The following AFF4 variants were observed in gnomAD, a reference collection of about 807,000 sequenced individuals.
AFF4 encodes the protein ALF transcription elongation factor 4.
AFF4 carries 13 observed loss-of-function variants against 124.8 expected under a neutral mutation model. That is an observed-to-expected ratio of 0.10 (90% CI 0.07 to 0.17). The LOEUF is 0.17. Ranked by LOEUF, AFF4 falls within the 10% of genes least tolerant of loss-of-function variation. The pLI, the probability that AFF4 is intolerant of heterozygous loss-of-function variation, is 1.00. For synonymous variants in AFF4, 477 were observed against 496.1 expected (o/e 0.96, Z 0.51); for missense variants, 1,092 against 1,403.8 (o/e 0.78, Z 3.55).
Position 132,896,791 on chromosome 5 carries a change from T to C in AFF4, c.1839A>G (p.Ile613Met), listed in dbSNP as rs377639131. ...AATKGSRKPN[I>M]KKESKSSPRP... ...GAGGGGAAGACTTAGACTCCTTCTT[T>C]ATATTGGGTTTCCTTGAGCCTTTGG... The change falls in exon 11 of 21, where the codon ATA (isoleucine) becomes ATG (methionine). Residue 613 changes from isoleucine to methionine, a missense_variant. Physicochemically the swap from Ile to Met is conservative, Grantham distance 10. This residue lies in a region of AFF4 where 174 missense variants were observed against 205.9 expected (regional missense o/e 0.84). Coordinates refer to ENST00000265343, the MANE Select transcript of AFF4 (RefSeq NM_014423.4). 60 of 1,614,022 alleles carry C rather than the reference T, an allele frequency of 3.7e-5. No homozygotes were observed. The highest frequency in any genetic ancestry group is 4.9e-5 in the Non-Finnish European group (58 of 1,180,040).
chr5:132,944,964 A>G (rs974295305), intron 1 of AFF4: 8 of 147,072 alleles, frequency 5.4e-5, no homozygotes, highest in African/African-American at 2.0e-4. Context: ...ATTTTTTTTA[A>G]TTAAAAAAAC....
chr5:132,949,686 A>C (rs1229176157), intron 1 of AFF4, among the ~76,000 whole-genome samples: 12 of 140,908 alleles, frequency 8.5e-5, no homozygotes, highest in African/African-American at 3.3e-4. Context: ...CATGTGTACC[A>C]CACACACACA....
chr5:132,901,074 A>C (rs1232707799), intron 7 of AFF4: 1 of 985,334 alleles, frequency 1.0e-6, no homozygotes, highest in East Asian at 1.1e-4. Context: ...CAGAACAGGG[A>C]AAAAAGAGTT....
intron 1 of AFF4, among the ~76,000 whole-genome samples, chr5:132,941,816 T>TG (rs1481874992): frequency 6.6e-6 from 1 of 152,030 alleles, no homozygotes; most frequent in East Asian, 1.9e-4. Context: ...GAGATGAGCC[T>TG]GGCCAACACG....
chr5:132,910,576 G>C (rs944910989), intron 5 of AFF4, among the ~76,000 whole-genome samples: 4 of 152,102 alleles, frequency 2.6e-5, no homozygotes, highest in Non-Finnish European at 1.5e-5. Context: ...AGAGCTTTTA[G>C]GTATATTACA....
At chr5:132,953,603 G>A (rs1182005352) in intron 1 of AFF4, among the ~76,000 whole-genome samples, 1 of 152,078 alleles carries the variant, frequency 6.6e-6, no homozygotes, top group Non-Finnish European at 1.5e-5. Flanking sequence ...TTTCTGATCT[G>A]CTTTCCCTTA....
intron 11 of AFF4, among the ~76,000 whole-genome samples, chr5:132,894,517 T>C (rs1760339848): frequency 6.6e-6 from 1 of 152,212 alleles, no homozygotes; most frequent in Non-Finnish European, 1.5e-5. Flanking sequence ...AAAGAATCTG[T>C]TCCCCTATAC....
intron 1 of AFF4, among the ~76,000 whole-genome samples, chr5:132,953,557 C>T (rs556859706): frequency 7.2e-4 from 110 of 152,186 alleles, no homozygotes; most frequent in Admixed American, 1.4e-3. Context: ...CATGCCCAAT[C>T]CCAAAAATCT....
chr5:132,888,398 T>C (rs1222031858), intron 14 of AFF4, among the ~76,000 whole-genome samples: 1 of 152,116 alleles, frequency 6.6e-6, no homozygotes, highest in Non-Finnish European at 1.5e-5. Flanking sequence ...TAGTATCAAA[T>C]ACTAAGTTAC....
chr5:132,899,212 T>A lies in AFF4; in HGVS notation c.1189-71A>T. 6.3e-6 allele frequency: 9 copies of A among 1,438,774 alleles called. No homozygotes were observed. In the South Asian group the frequency reaches 8.3e-5, roughly 13 times the overall value. 89.1% of individuals were successfully genotyped at this position (1,438,774 alleles called of 1,614,324 possible). On this transcript the variant is annotated intron_variant, in intron 8 of 20. Coordinates refer to ENST00000265343, the MANE Select transcript of AFF4 (RefSeq NM_014423.4). ...TTCTATTTGCTTAGTGTGAATAATA[T>A]CTGAACTCTTAACAGAAAAAACTGG...
At chr5:132,901,042 T>G (rs1423493855) in intron 7 of AFF4, 1 of 985,352 alleles carries the variant, frequency 1.0e-6, no homozygotes, top group Non-Finnish European at 1.2e-6. Flanking sequence ...ACCAGATGAT[T>G]TTTAAGACTG....
chr5:132,954,010 C>T (rs1761897737), intron 1 of AFF4, among the ~76,000 whole-genome samples: 1 of 152,192 alleles, frequency 6.6e-6, no homozygotes, highest in East Asian at 1.9e-4. Context: ...CAATATTCTA[C>T]TTGATCTGAC....
intron 14 of AFF4, among the ~76,000 whole-genome samples, 185 bp downstream of exon 14, chr5:132,888,894 C>A (rs1760185384): frequency 6.6e-6 from 1 of 152,100 alleles, no homozygotes; most frequent in East Asian, 1.9e-4. Context: ...GACAGGGTTT[C>A]TCCATGTTGG....
intron 5 of AFF4, among the ~76,000 whole-genome samples, chr5:132,923,556 G>C (rs373643210): frequency 6.6e-6 from 1 of 151,968 alleles, no homozygotes; most frequent in African/African-American, 2.4e-5. Context: ...GCAGTAGAGT[G>C]AGACCCCCGT....
In AFF4 at chr5:132,896,873, C is replaced by G; in HGVS notation, c.1757G>C (p.Ser586Thr). The G allele has an allele frequency of 6.2e-7, 1 of 1,614,110 alleles. No homozygotes were observed. The highest frequency in any genetic ancestry group is 8.5e-7 in the Non-Finnish European group (1 of 1,180,024). The change falls in exon 11 of 21, where the codon AGT (serine) becomes ACT (threonine). Residue 586 changes from serine to threonine, a missense_variant. Around this residue, in one of 11 missense-constraint regions of AFF4, gnomAD observed 174 missense variants for 205.9 expected, o/e 0.84. Coordinates refer to ENST00000265343, the MANE Select transcript of AFF4 (RefSeq NM_014423.4). ...EEPRGGLKIE[S>T]ETPVDLASSM... ...GCTAGCCAAGTCTACAGGGGTTTCACTTTCTATCTTCAGGCCTCCACGAGG... is the reference window on the plus strand; with the variant it reads ...GCTAGCCAAGTCTACAGGGGTTTCAGTTTCTATCTTCAGGCCTCCACGAGG...
chr5:132,938,158 T>C (rs1040104674), intron 1 of AFF4, among the ~76,000 whole-genome samples: 3 of 151,954 alleles, frequency 2.0e-5, no homozygotes, highest in Non-Finnish European at 2.9e-5. Flanking sequence ...ACAATCAGGT[T>C]ATATGTGTGG....
intron 6 of AFF4, 127 bp downstream of exon 6, chr5:132,904,241 A>AT: frequency 1.1e-6 from 1 of 884,120 alleles, no homozygotes; most frequent in Non-Finnish European, 1.7e-6. Context: ...AAAAAAAAAA[A>AT]GAAAACAAAA....
chr5:132,889,741 T>C (rs895375866), intron 13 of AFF4, among the ~76,000 whole-genome samples: 7 of 152,234 alleles, frequency 4.6e-5, no homozygotes, highest in Admixed American at 3.3e-4. Flanking sequence ...AAATTCAGAA[T>C]TGCCAGACTT....
chr5:132,888,131 T>A lies in AFF4; in HGVS notation c.2762A>T (p.Glu921Val). 1 of 1,611,252 alleles carries A rather than the reference T, an allele frequency of 6.2e-7. No homozygotes were observed. Among genetic ancestry groups the A allele is most frequent in the Non-Finnish European group, 8.5e-7 (1 of 1,178,364 alleles). ...RNYSADHYLQ[E>V]AKKLKHNADA... ...TGCATTGTGCTTTAGCTTTTTTGCT[T>A]CTTGTAAATAATGGTCTGCTGAATA... The change falls in exon 15 of 21, where the codon GAA becomes GTA. Residue 921 changes from glutamate to valine, a missense_variant. Physicochemically the swap from Glu to Val is moderately radical, Grantham distance 121 (BLOSUM62 -2). Transcript: ENST00000265343.
Sources: gnomAD v4.1 joint callset for allele counts (sites outside exome capture counted in the v4.1 genomes callset) on GRCh38, gnomAD v4.1.1 for gene constraint, gnomAD v4.1.1 regional missense constraint, MANE v1.5 for transcripts, NCBI Gene and HGNC (gene_info 2026-07-23, HGNC 2026-07-21) for gene names.